The following ACSS3 variants were observed in gnomAD, a reference collection of about 807,000 sequenced individuals.
The protein encoded by ACSS3 is acyl-CoA synthetase short-chain family member 3, mitochondrial.
A neutral mutation model predicts 84.2 loss-of-function variants in ACSS3; 64 were observed. The observed-to-expected ratio is 0.76, with a 90% CI of 0.62 to 0.94. The LOEUF is 0.94. Ranked by LOEUF, ACSS3 falls within the 40% of genes least tolerant of loss-of-function variation. The probability of loss-of-function intolerance (pLI) is 0.00; values close to 1 mark genes in which losing one functional copy is unlikely to be tolerated. For missense variants in ACSS3, 815 were observed against 867.6 expected (o/e 0.94, Z 0.76); for synonymous variants, 317 against 310.1 (o/e 1.02, Z -0.23).
intron 8 of ACSS3, among the ~76,000 whole-genome samples, chr12:81,189,070 C>T (rs963966428): frequency 3.0e-4 from 46 of 152,164 alleles, no homozygotes; most frequent in African/African-American, 1.1e-3. Flanking sequence ...CCCAACTACC[C>T]TCTCCCCCTC....
In ACSS3 at chr12:81,241,217, T is replaced by C. The variant is rs1334398379; in HGVS notation, c.1719+7746T>C. On this transcript the variant is annotated intron_variant, in intron 13 of 15. Transcript: ENST00000548058. ...TCCATGGTATATGTGTGCCACATTT[T>C]CTTAATCCAGTCTATCATTATTGGA... 3.3e-5 allele frequency among the ~76,000 whole-genome samples: 5 copies of C among 152,266 alleles called. No individual in the cohort carries two copies. In the East Asian group the frequency reaches 5.8e-4, roughly 18 times the overall value.
intron 11 of ACSS3, among the ~76,000 whole-genome samples, chr12:81,229,992 C>T (rs560581976): frequency 6.6e-6 from 1 of 151,950 alleles, no homozygotes; most frequent in Non-Finnish European, 1.5e-5. Flanking sequence ...GGCCATGTGA[C>T]CACACTGCTT....
chr12:81,101,523 C>T (rs1435603491), intron 1 of ACSS3, among the ~76,000 whole-genome samples: 1 of 152,028 alleles, frequency 6.6e-6, no homozygotes, highest in Non-Finnish European at 1.5e-5. Context: ...AACATAGATA[C>T]ACAGGCAACT....
chr12:81,140,464 A>G (rs1479561792), intron 4 of ACSS3, among the ~76,000 whole-genome samples: 3 of 152,174 alleles, frequency 2.0e-5, no homozygotes, highest in Admixed American at 2.0e-4. Flanking sequence ...AGAACTCTTG[A>G]CAAGTTTTCT....
At chr12:81,173,503 C>T (rs557222181) in intron 7 of ACSS3, among the ~76,000 whole-genome samples, 1 of 151,310 alleles carries the variant, frequency 6.6e-6, no homozygotes, top group African/African-American at 2.4e-5. Context: ...TTAAAGAAAA[C>T]CATTTAAAAA....
chr12:81,212,838 C>T (rs1000194312), intron 9 of ACSS3, among the ~76,000 whole-genome samples: 1 of 151,974 alleles, frequency 6.6e-6, no homozygotes, highest in Non-Finnish European at 1.5e-5. Flanking sequence ...GAAGTTTGTC[C>T]TTTTTTAAAA....
chr12:81,199,796 G>A, intron 9 of ACSS3: 1 of 694,254 alleles, frequency 1.4e-6, no homozygotes, highest in Non-Finnish European at 2.2e-6. Flanking sequence ...TTGAGCTCTG[G>A]CAGCTGCATT....
intron 11 of ACSS3, among the ~76,000 whole-genome samples, chr12:81,223,686 A>G (rs1358788517): frequency 6.6e-6 from 1 of 152,000 alleles, no homozygotes; most frequent in East Asian, 1.9e-4. Context: ...ATTATGGTCA[A>G]TCTCTTCTGG....
At chr12:81,150,407 T>C (rs1369120095) in intron 5 of ACSS3, among the ~76,000 whole-genome samples, 5 of 152,230 alleles carry the variant, frequency 3.3e-5, no homozygotes, top group Non-Finnish European at 7.3e-5. Context: ...TTCATCAATC[T>C]GTTGAGCCAT....
intron 2 of ACSS3, among the ~76,000 whole-genome samples, chr12:81,117,643 G>A (rs1382629912): frequency 6.6e-6 from 1 of 152,062 alleles, no homozygotes; most frequent in African/African-American, 2.4e-5. Flanking sequence ...AACCTTGCAG[G>A]CCATGGTCAA....
At chr12:81,217,194 T>C (rs2135943500) in intron 10 of ACSS3, among the ~76,000 whole-genome samples, 198 bp downstream of exon 10, 1 of 152,224 alleles carries the variant, frequency 6.6e-6, no homozygotes, top group Admixed American at 6.5e-5. Flanking sequence ...TAAATGACTG[T>C]CATAACCACA....
At position 81,216,997 on chromosome 12, in the gene ACSS3, G is replaced by T. The variant is rs768147715; in HGVS notation, c.1450+1G>T. The stretch of plus-strand genomic sequence containing the variant: ...GGAAAAAGCGTCCCAGGATACAATG[G>T]TAAGGAATGACCCTGATAATACGTA... On this transcript the variant is annotated splice_donor_variant, in intron 10 of 15. Coordinates refer to ENST00000548058, the MANE Select transcript of ACSS3 (RefSeq NM_024560.4). LOFTEE classifies it high-confidence loss of function. 1.2e-6 allele frequency: 2 copies of T among 1,604,876 alleles called. No homozygotes were observed. The highest frequency in any genetic ancestry group is 1.7e-6 in the Non-Finnish European group (2 of 1,172,610).
intron 1 of ACSS3, among the ~76,000 whole-genome samples, chr12:81,102,856 C>T (rs1882639533): frequency 6.6e-6 from 1 of 151,904 alleles, no homozygotes; most frequent in Non-Finnish European, 1.5e-5. Context: ...GATTGAGAGT[C>T]ATCTGCATTG....
chr12:81,142,987 A>T, intron 4 of ACSS3, 120 bp from the exon 5 acceptor site: 1 of 887,408 alleles, frequency 1.1e-6, no homozygotes, highest in Non-Finnish European at 1.5e-6. Flanking sequence ...TCTGATGTTC[A>T]GTGCCATATA....
Position 81,259,778 on chromosome 12 carries a change from G to A in ACSS3, c.*4856G>A, listed in dbSNP as rs559062285. On this transcript the variant is annotated 3_prime_UTR_variant, in exon 16 of 16. Transcript: ENST00000548058. ...GCTTACTCCTGTCCTAGAAGATCAT[G>A]AGAAGGAAATCATCTAGGATGTAGC... 3.1e-4 allele frequency: 244 copies of A among 797,084 alleles called. 2 individuals are homozygous for A. The South Asian group carries it at 4.5e-3, about 15-fold the overall frequency. 49.4% of individuals were successfully genotyped at this position (797,084 alleles called of 1,614,324 possible).
chr12:81,225,280 T>C (rs1230435143), intron 11 of ACSS3, among the ~76,000 whole-genome samples: 1 of 151,994 alleles, frequency 6.6e-6, no homozygotes, highest in East Asian at 1.9e-4. Context: ...TATGAGTCTT[T>C]CTTTAGAGAT....
intron 10 of ACSS3, among the ~76,000 whole-genome samples, chr12:81,217,303 A>G (rs1202172355): frequency 6.6e-6 from 1 of 152,116 alleles, no homozygotes; most frequent in African/African-American, 2.4e-5. Context: ...ATGTCTTTTC[A>G]TTTCATGCTG....
chr12:81,240,991 C>T (rs1406734311), intron 13 of ACSS3, among the ~76,000 whole-genome samples: 1 of 121,068 alleles, frequency 8.3e-6, no homozygotes, highest in East Asian at 3.1e-4. Context: ...CCCCCCTCCC[C>T]CCACCCCACA....
chr12:81,129,333 G>A (rs1276083375), intron 2 of ACSS3, among the ~76,000 whole-genome samples: 1 of 151,594 alleles, frequency 6.6e-6, no homozygotes, highest in Non-Finnish European at 1.5e-5. Flanking sequence ...AACTCAGAAT[G>A]AAAAAAAATG....
Sources: allele counts gnomAD v4.1 joint callset (sites outside exome capture counted in the v4.1 genomes callset), GRCh38; gene constraint gnomAD v4.1.1; transcripts MANE v1.5; gene names NCBI Gene and HGNC (gene_info 2026-07-23, HGNC 2026-07-21).